Variants in CUL9 observed in about 807,000 individuals in gnomAD.
CUL9 encodes cullin 9.
In CUL9, 79 loss-of-function variants were observed where a neutral mutation model predicts 272.6. The observed-to-expected ratio is 0.29, with a 90% CI of 0.24 to 0.35. The LOEUF (loss-of-function observed/expected upper bound fraction) is 0.35. Among genes scored for constraint, CUL9 ranks in the 10% least tolerant of loss-of-function variants. CUL9 has a pLI of 1.00. For missense variants in CUL9, 2,532 were observed against 3,255.6 expected, an observed-to-expected ratio of 0.78 and a Z score of 5.41; for synonymous variants, 1,186 against 1,286.5, an observed-to-expected ratio of 0.92 and a Z score of 1.67.
chr6:43,193,169 A>G lies in CUL9; in HGVS notation c.2349A>G (p.Glu783=). 1.2e-6 allele frequency: 2 copies of G among 1,614,210 alleles called. No individual in the cohort carries two copies. Among genetic ancestry groups the G allele is most frequent in the Non-Finnish European group, 1.7e-6 (2 of 1,180,026 alleles). Residue 783 remains glutamate, a synonymous_variant, in exon 9 of 41, where the codon GAA becomes GAG. Coordinates refer to ENST00000252050, the MANE Select transcript of CUL9 (RefSeq NM_015089.4). ...ATGCTGTGCTGGTCTGCATGCAAGA[A>G]TATAAGACTTCTGTCTTGGTGCAGC... is the stretch of plus-strand genomic sequence containing the variant. ...GIYAVLVCMQ[E]YKTSVLVQQA...
At chr6:43,191,299 GTTTT>G (rs887459803) in intron 8 of CUL9, among the ~76,000 whole-genome samples, 16 of 111,276 alleles carry the variant, frequency 1.4e-4, no homozygotes, top group Non-Finnish European at 2.3e-4. Context: ...TGTGCGTGTT[GTTTT>G]TTTTTTTGTT....
In CUL9 at chr6:43,223,453, C is replaced by G; in HGVS notation, c.7284+56C>G. On this transcript the variant is annotated intron_variant, in intron 39 of 40. Coordinates refer to ENST00000252050, the MANE Select transcript of CUL9 (RefSeq NM_015089.4). The surrounding 1 kb of genome is among the most constrained non-coding windows in gnomAD (Gnocchi z 4.1). ...TGCATTCTGCGGGAGTTGAGGTCCT[C>G]CTGTCCCAGCACAGCCCCTGCCCTG... is the stretch of plus-strand genomic sequence containing the variant. The G allele has an allele frequency of 6.5e-7, 1 of 1,531,702 alleles. No individual in the cohort carries two copies. The highest frequency in any genetic ancestry group is 8.8e-7 in the Non-Finnish European group (1 of 1,131,850). 94.9% of individuals were successfully genotyped at this position (1,531,702 alleles called of 1,614,324 possible).
At chr6:43,198,505 G>A (rs556827312) in intron 11 of CUL9, 104 bp from the exon 12 acceptor site, 239 of 1,533,766 alleles carry the variant, frequency 1.6e-4, no homozygotes, top group Non-Finnish European at 2.0e-4. Flanking sequence ...CCTCAATATA[G>A]AAGGAAAATT....
rs752860547 is a variant in CUL9, at chr6:43,215,266, C to T, written c.5876C>T (p.Pro1959Leu). 16 of 1,613,996 alleles carry T rather than the reference C, an allele frequency of 9.9e-6. No homozygotes were observed. Among genetic ancestry groups the T allele is most frequent in the Non-Finnish European group, 1.4e-5 (16 of 1,180,042 alleles). The change falls in exon 30 of 41, where the codon CCC (proline) becomes CTC (leucine). Residue 1959 changes from proline to leucine, a missense_variant. By Grantham distance (98) the Pro-to-Leu change is moderately conservative. This residue lies in a region of CUL9 where 2,218 missense variants were observed against 2,788.6 expected (regional missense o/e 0.80). Coordinates refer to ENST00000252050, the MANE Select transcript of CUL9 (RefSeq NM_015089.4). Reference sequence around the variant, plus strand: ...TATGCCGCTCCAGAGCCCATGGGGCCCTGCCGGGGTCAGGCAGATGTCCCT... The same window carrying T: ...TATGCCGCTCCAGAGCCCATGGGGCTCTGCCGGGGTCAGGCAGATGTCCCT... ...LMYAAPEPMG[P>L]CRGQADVPFC...
In CUL9 at chr6:43,186,078, G is replaced by C. The variant is rs1562010986; in HGVS notation, c.874G>C (p.Glu292Gln). The change falls in exon 4 of 41, where the codon GAG (glutamate) becomes CAG (glutamine). Residue 292 changes from glutamate (E) to glutamine (Q), a missense_variant. This residue lies in a region of CUL9 where 2,218 missense variants were observed against 2,788.6 expected (regional missense o/e 0.80). Transcript: ENST00000252050. ...CCAAAGCTCCCCATGTGCCACAAGA[G>C]AGAAAAGCCGGGGACAGCGGGAACT... ...GDQSSPCATREKSRGQRELEF... is the reference protein window; with the variant it reads ...GDQSSPCATRQKSRGQRELEF... The C allele has an allele frequency of 6.2e-7, 1 of 1,614,258 alleles. No individual in the cohort carries two copies. The highest frequency in any genetic ancestry group is 8.5e-7 in the Non-Finnish European group (1 of 1,180,048).
At chr6:43,186,850 G>A (rs1772965099) in intron 4 of CUL9, 110 bp from the exon 5 acceptor site, 6 of 1,366,132 alleles carry the variant, frequency 4.4e-6, no homozygotes, top group Non-Finnish European at 6.0e-6. Context: ...GTGTATCTGA[G>A]GGTGCGCCCC....
Position 43,203,381 on chromosome 6 carries a change from C to T in CUL9, c.3850-36C>T, listed in dbSNP as rs201348207. ...CTTTGGTAGTACTTAGTGGCTCAAGCGGCTTGGGTGACAGATAAGTCTGTG... is the reference window on the plus strand; with the variant it reads ...CTTTGGTAGTACTTAGTGGCTCAAGTGGCTTGGGTGACAGATAAGTCTGTG... On this transcript the variant is annotated intron_variant, in intron 18 of 40. Transcript: ENST00000252050. This position sits in a 1 kb window ranked among gnomAD's most constrained non-coding sequence, Gnocchi z 5.0. The T allele has an allele frequency of 3.2e-5, 51 of 1,610,368 alleles. No homozygotes were observed. The highest frequency in any genetic ancestry group is 1.7e-4 in the African/African-American group (13 of 74,978).
At position 43,204,463 on chromosome 6, in the gene CUL9, A is replaced by C. The variant is rs763259701; in HGVS notation, c.4263A>C (p.Arg1421=). 2.5e-6 allele frequency: 4 copies of C among 1,614,086 alleles called. No individual in the cohort carries two copies. In the Admixed American group the frequency reaches 6.7e-5, roughly 27 times the overall value. ...PLSRAASFAS[R]VRRLCHLLVH... ...GTCGAGCAGCGTCCTTTGCTTCTCGAGTTCGTCGCCTTTGCCACTTGCTGG... is the reference window on the plus strand; with the variant it reads ...GTCGAGCAGCGTCCTTTGCTTCTCGCGTTCGTCGCCTTTGCCACTTGCTGG... The change falls in exon 21 of 41, where the codon CGA becomes CGC. Residue 1421 remains arginine (R), a synonymous_variant. Transcript: ENST00000252050.
chr6:43,193,296 C>T, intron 9 of CUL9, 88 bp downstream of exon 9: 3 of 1,151,400 alleles, frequency 2.6e-6, no homozygotes, highest in Non-Finnish European at 2.6e-6. Context: ...TTTGGTGCTT[C>T]AGATCAGTGA....
rs1294768272 is a variant in CUL9 at position 43,203,662 on chromosome 6, T to C, written c.4025+70T>C. The C allele has an allele frequency of 6.4e-7, 1 of 1,554,244 alleles. No individual in the cohort carries two copies. The highest frequency in any genetic ancestry group is 8.7e-7 in the Non-Finnish European group (1 of 1,146,864). ...CTGTGAGAAGTAGGAGGGATGCTCC[T>C]GTGGGAGTCCGGAAGGGAAAGCTGC... On this transcript the variant is annotated intron_variant, in intron 19 of 40. Transcript: ENST00000252050. This position sits in a 1 kb window ranked among gnomAD's most constrained non-coding sequence, Gnocchi z 5.0.
At chr6:43,182,997 G>C (rs893799283) in intron 1 of CUL9, among the ~76,000 whole-genome samples, 3 of 152,182 alleles carry the variant, frequency 2.0e-5, no homozygotes, top group African/African-American at 7.2e-5. Flanking sequence ...GCTAGATGCT[G>C]TTCCAAGTGC....
Position 43,215,133 on chromosome 6 carries a change from G to T in CUL9, c.5743G>T (p.Val1915Phe). 1 of 1,614,080 alleles carries T rather than the reference G, an allele frequency of 6.2e-7. No individual in the cohort carries two copies. The highest frequency in any genetic ancestry group is 1.1e-5 in the South Asian group (1 of 91,080). ...PNPPGTLGHT[V>F]AGGVACTSTD... is the part of the protein sequence containing the mutation. Reference sequence around the variant, plus strand: ...TCCTCCTGGAACCCTGGGCCACACTGTTGCTGGGGGTGTGGCCTGTACCAG... The same window carrying T: ...TCCTCCTGGAACCCTGGGCCACACTTTTGCTGGGGGTGTGGCCTGTACCAG... Residue 1915 changes from valine (V) to phenylalanine (F), a missense_variant, in exon 30 of 41, where the codon GTT (valine) becomes TTT (phenylalanine). Physicochemically the swap from Val to Phe is conservative, Grantham distance 50. Transcript: ENST00000252050.
In CUL9 at chr6:43,213,941, CGGAG is replaced by C; in HGVS notation, c.5688+38_5688+41del. On this transcript the variant is annotated intron_variant, in intron 29 of 40. Transcript: ENST00000252050. This position sits in a 1 kb window ranked among gnomAD's most constrained non-coding sequence, Gnocchi z 5.7. Reference sequence around the variant, plus strand: ...GGCAGAGAGGGGACCATGAAGTTGGCGGAGGGAGGGAGTCATGCTTGGGATTGGG... The same window carrying C: ...GGCAGAGAGGGGACCATGAAGTTGGCGGAGGGAGTCATGCTTGGGATTGGG... 6.2e-7 allele frequency: 1 copy of C among 1,610,094 alleles called. No individual in the cohort carries two copies. The highest frequency in any genetic ancestry group is 1.1e-5 in the South Asian group (1 of 90,982).
Position 43,200,052 on chromosome 6 carries a change from C to T in CUL9, c.3280C>T (p.Gln1094Ter), listed in dbSNP as rs767001216. 1 of 1,614,232 alleles carries T rather than the reference C, an allele frequency of 6.2e-7. No homozygotes were observed. The highest frequency in any genetic ancestry group is 1.7e-5 in the Admixed American group (1 of 60,024). ...CAAAGTCCTGGACAAGCACTCAGCT[C>T]AGCTGCTGCTGGGCTGTGAGCTTCG... ...LSKVLDKHSA[Q>*]LLLGCELRDL... The change falls in exon 14 of 41, where the codon CAG (glutamine) becomes TAG (stop). Residue 1094 changes from glutamine to a stop codon, truncating the protein, a stop_gained. Coordinates refer to ENST00000252050, the MANE Select transcript of CUL9 (RefSeq NM_015089.4). LOFTEE classifies it high-confidence loss of function. The surrounding 1 kb of genome is among the most constrained non-coding windows in gnomAD (Gnocchi z 4.0).
intron 11 of CUL9, chr6:43,198,271 G>A (rs1774189962): frequency 1.0e-6 from 1 of 984,892 alleles, no homozygotes; most frequent in African/African-American, 1.7e-5. Context: ...GTATCTTTTA[G>A]TCTGTGTACC....
chr6:43,202,695 G>A, intron 16 of CUL9, 21 bp from the exon 17 acceptor site: 1 of 1,610,048 alleles, frequency 6.2e-7, no homozygotes, highest in East Asian at 2.2e-5. Context: ...AGCTTTGACT[G>A]TTTCCTTTCT....
At chr6:43,219,664 C>T (rs1008252479) in intron 31 of CUL9, among the ~76,000 whole-genome samples, 2 of 152,128 alleles carry the variant, frequency 1.3e-5, no homozygotes, top group African/African-American at 4.8e-5. Flanking sequence ...TTAGACCCAT[C>T]ATTTTGGAAG....
At chr6:43,183,434 C>G (rs751144385) in intron 1 of CUL9, among the ~76,000 whole-genome samples, 2 of 152,154 alleles carry the variant, frequency 1.3e-5, no homozygotes, top group African/African-American at 4.8e-5. Context: ...CCATGGCCCA[C>G]CCTTTACATC....
At position 43,200,461 on chromosome 6, in the gene CUL9, A is replaced by G. The variant is rs933445002; in HGVS notation, c.3410A>G (p.His1137Arg). 7 of 1,613,902 alleles carry G rather than the reference A, an allele frequency of 4.3e-6. No homozygotes were observed. Among genetic ancestry groups the G allele is most frequent in the Non-Finnish European group, 5.9e-6 (7 of 1,180,006 alleles). Residue 1137 changes from histidine (H) to arginine (R), a missense_variant, in exon 15 of 41, where the codon CAC becomes CGC. Transcript: ENST00000252050. This position sits in a 1 kb window ranked among gnomAD's most constrained non-coding sequence, Gnocchi z 4.0. ...IQMVLGQIED[H>R]RRTHQPINIP... ...ATGGTGCTGGGCCAGATCGAAGACCACAGACGAACCCACCAACCCATCAAT... is the reference window on the plus strand; with the variant it reads ...ATGGTGCTGGGCCAGATCGAAGACCGCAGACGAACCCACCAACCCATCAAT...
Sources: allele counts gnomAD v4.1 joint callset (sites outside exome capture counted in the v4.1 genomes callset), GRCh38; gene constraint gnomAD v4.1.1; regional missense constraint gnomAD v4.1.1; non-coding constraint Gnocchi (gnomAD v3.1); transcripts MANE v1.5; gene names NCBI Gene and HGNC (gene_info 2026-07-23, HGNC 2026-07-21).